CFAP47: variants seen among roughly 807,000 people sequenced by gnomAD.
CFAP47 encodes cilia and flagella associated protein 47.
A neutral mutation model predicts 148.1 loss-of-function variants in CFAP47; 29 were observed. The observed-to-expected ratio is 0.20, with a 90% confidence interval of 0.15 to 0.27. The LOEUF (loss-of-function observed/expected upper bound fraction) is 0.27, where lower values mean the gene tolerates loss of function less well. CFAP47 is among the 10% of genes least tolerant of loss of function. CFAP47 has a pLI of 1.00. For missense variants in CFAP47, 1,872 were observed against 1,697.5 expected, an observed-to-expected ratio of 1.10 and a Z score of -1.81; for synonymous variants, 664 against 577.3, an observed-to-expected ratio of 1.15 and a Z score of -2.15.
chrX:36,054,549 C>A (rs1432106216), intron 26 of CFAP47, among the ~76,000 whole-genome samples: 1 of 110,620 alleles, frequency 9.0e-6, no homozygotes, highest in African/African-American at 3.3e-5. Context: ...CTCTTAATGT[C>A]CTTAATTTTA....
In CFAP47 at chrX:36,371,626, A is replaced by ACACACATATGTGTATATATG. The variant is rs1303339628; in HGVS notation, c.9185+4499_9185+4500insCACACATATGTGTATATATG. ...ATATATGTGTATATATGTGTAATAT[A>ACACACATATGTGTATATATG]TGTGTATATACACACATATGTGTAT... On this transcript the variant is annotated intron_variant, in intron 62 of 63. Transcript: ENST00000378653. Among the ~76,000 whole-genome samples, 55 of 86,308 alleles carry ACACACATATGTGTATATATG rather than the reference A, an allele frequency of 6.4e-4. 1 individual carries two copies. The highest frequency in any genetic ancestry group is 2.3e-3 in the African/African-American group (52 of 22,447). 74.9% of individuals were successfully genotyped at this position (86,308 alleles called of 115,157 possible). A position where few individuals can be genotyped will look rare whatever the true frequency, so the allele number is the denominator to read the frequency against.
At chrX:36,168,779 G>T (rs1409552998) in intron 39 of CFAP47, among the ~76,000 whole-genome samples, 1 of 111,650 alleles carries the variant, frequency 9.0e-6, no homozygotes, top group Non-Finnish European at 1.9e-5. Flanking sequence ...CAAAGAAAAT[G>T]AAAATTTACA....
intron 62 of CFAP47, among the ~76,000 whole-genome samples, chrX:36,376,432 C>T (rs1556022965): frequency 9.0e-6 from 1 of 110,849 alleles, no homozygotes; most frequent in African/African-American, 3.3e-5. Flanking sequence ...AAATCAGAAG[C>T]CACCCCCTTG....
chrX:36,148,377 A>T (rs1939263489), intron 36 of CFAP47, among the ~76,000 whole-genome samples: 1 of 111,870 alleles, frequency 8.9e-6, no homozygotes, highest in East Asian at 2.8e-4. Context: ...TCTTGAGGAC[A>T]TGCCCAAAGG....
intron 6 of CFAP47, among the ~76,000 whole-genome samples, chrX:35,952,747 C>G (rs1438720298): frequency 2.7e-5 from 3 of 111,793 alleles, no homozygotes; most frequent in Admixed American, 1.9e-4. Context: ...TACCTTCATA[C>G]AAGTAGTTTC....
intron 61 of CFAP47, among the ~76,000 whole-genome samples, chrX:36,363,661 G>T (rs1941846911): frequency 9.0e-6 from 1 of 111,571 alleles, no homozygotes; most frequent in African/African-American, 3.2e-5. Context: ...GTTCTTTTTT[G>T]TAGGCAAGGT....
intron 25 of CFAP47, among the ~76,000 whole-genome samples, chrX:36,040,338 A>C (rs1937388236): frequency 1.8e-5 from 2 of 112,127 alleles, no homozygotes; most frequent in African/African-American, 6.5e-5. Flanking sequence ...TCCAAATTAA[A>C]ATTGGGAAAA....
chrX:36,375,413 TAA>T (rs1337434287), intron 62 of CFAP47, among the ~76,000 whole-genome samples: 6 of 112,279 alleles, frequency 5.3e-5, no homozygotes, highest in African/African-American at 1.9e-4. Flanking sequence ...TTCAATGTTC[TAA>T]AATTTGCTGA....
At chrX:36,167,562 G>A (rs763443152) in intron 39 of CFAP47, among the ~76,000 whole-genome samples, 7 of 111,324 alleles carry the variant, frequency 6.3e-5, no homozygotes, top group Non-Finnish European at 9.4e-5. Context: ...CTGGGTAGAA[G>A]AAAAGAGCTT....
intron 3 of CFAP47, among the ~76,000 whole-genome samples, chrX:35,944,943 T>A (rs1936064058): frequency 1.8e-5 from 2 of 112,225 alleles, no homozygotes; most frequent in Non-Finnish European, 3.8e-5. Flanking sequence ...TTGACATAGT[T>A]AGCCACTGCC....
rs184501606 is a variant in CFAP47 at position 36,176,677 on chromosome X, G to A, written c.6027-2668G>A. 6.6e-3 allele frequency among the ~76,000 whole-genome samples: 739 copies of A among 112,284 alleles called. 4 individuals carry two copies. Among genetic ancestry groups the A allele is most frequent in the Middle Eastern group, 0.014 (3 of 216 alleles). On this transcript the variant is annotated intron_variant, in intron 39 of 63. Coordinates refer to ENST00000378653, the MANE Select transcript of CFAP47 (RefSeq NM_001304548.2). ...TCCCAGCACTTTGGGAGGCCAAGGC[G>A]GAGGGATCATGAGGTCAGGAGTTCA...
chrX:36,094,915 A>G (rs746332818), intron 30 of CFAP47, among the ~76,000 whole-genome samples: 2 of 111,051 alleles, frequency 1.8e-5, no homozygotes, highest in Non-Finnish European at 3.8e-5. Context: ...ACTGTGTTCA[A>G]TGACAGTGAT....
rs764412298 is a variant in CFAP47, at chrX:36,173,558, C to T, written c.6027-5787C>T. On this transcript the variant is annotated intron_variant, in intron 39 of 63. Coordinates refer to ENST00000378653, the MANE Select transcript of CFAP47 (RefSeq NM_001304548.2). The stretch of plus-strand genomic sequence containing the variant: ...ATTTCTGCCTTCATTTTGTTATGTA[C>T]TCAGTAGTCATTCAGGAGCAGGTTG... 1.8e-3 allele frequency among the ~76,000 whole-genome samples: 199 copies of T among 111,267 alleles called. 2 individuals are homozygous for T. Among genetic ancestry groups the T allele is most frequent in the African/African-American group, 6.2e-3 (189 of 30,257 alleles).
chrX:36,383,255 C>T (rs1387266744), intron 63 of CFAP47, among the ~76,000 whole-genome samples: 1 of 111,660 alleles, frequency 9.0e-6, no homozygotes, highest in African/African-American at 3.3e-5. Flanking sequence ...AGTGTCTTGG[C>T]GAAGGTGAAG....
intron 8 of CFAP47, among the ~76,000 whole-genome samples, chrX:35,965,240 T>G (rs999496572): frequency 1.8e-4 from 20 of 111,829 alleles, no homozygotes; most frequent in African/African-American, 6.5e-4. Flanking sequence ...AGCTAATGAT[T>G]GGATAGAGGT....
chrX:36,228,940 C>T, intron 46 of CFAP47, 116 bp downstream of exon 46: 1 of 435,671 alleles, frequency 2.3e-6, no homozygotes, highest in Non-Finnish European at 4.1e-6. Context: ...TATCTGCTGT[C>T]AATTATTTCT....
intron 51 of CFAP47, among the ~76,000 whole-genome samples, chrX:36,289,719 A>G (rs886917501): frequency 1.8e-5 from 2 of 112,375 alleles, no homozygotes; most frequent in Non-Finnish European, 3.8e-5. Flanking sequence ...TGGATTTAAT[A>G]TCTACATTAA....
At chrX:35,997,966 A>G (rs1268237680) in intron 19 of CFAP47, among the ~76,000 whole-genome samples, 2 of 111,133 alleles carry the variant, frequency 1.8e-5, no homozygotes, top group Non-Finnish European at 3.8e-5. Flanking sequence ...TTAAACACAA[A>G]AACTGTAGCT....
chrX:36,135,751 TTCC>T (rs755484413), intron 33 of CFAP47, among the ~76,000 whole-genome samples: 5 of 111,755 alleles, frequency 4.5e-5, no homozygotes, highest in Non-Finnish European at 9.4e-5. Flanking sequence ...TGAAAATGTA[TTCC>T]TCAAGTTCCT....
Sources: allele counts gnomAD v4.1 joint callset (sites outside exome capture counted in the v4.1 genomes callset), GRCh38; gene constraint gnomAD v4.1.1; transcripts MANE v1.5; gene names NCBI Gene and HGNC (gene_info 2026-07-23, HGNC 2026-07-21).